Variants in TFAP2A observed in about 807,000 individuals in gnomAD.
The protein encoded by TFAP2A is transcription factor AP-2-alpha.
TFAP2A carries 7 observed loss-of-function variants against 41.5 expected under a neutral mutation model. That is an observed-to-expected ratio of 0.17 (90% CI 0.10 to 0.32). The LOEUF (loss-of-function observed/expected upper bound fraction) is 0.32, where lower values mean the gene tolerates loss of function less well. TFAP2A is among the 10% of genes least tolerant of loss of function. TFAP2A has a pLI of 1.00. For missense variants in TFAP2A, 416 were observed against 563.3 expected, an observed-to-expected ratio of 0.74 and a Z score of 2.65; for synonymous variants, 247 against 242.8, an observed-to-expected ratio of 1.02 and a Z score of -0.16.
chr6:10,403,426 G>A (rs1757510992), intron 4 of TFAP2A, among the ~76,000 whole-genome samples: 1 of 152,212 alleles, frequency 6.6e-6, no homozygotes, highest in Non-Finnish European at 1.5e-5. Context: ...ACTACAAAGG[G>A]AAAGCAAAAT....
At chr6:10,415,340 C>T (rs1758203323), upstream of TFAP2A, 1 of 1,192,028 alleles carries the variant, frequency 8.4e-7, no homozygotes, top group African/African-American at 1.6e-5. Flanking sequence ...AGTCCAATTG[C>T]TCGCCAGTAC....
At chr6:10,415,208 G>A (rs1758198630), upstream of TFAP2A, 1 of 1,475,266 alleles carries the variant, frequency 6.8e-7, no homozygotes, top group Non-Finnish European at 9.0e-7. Context: ...AGAAGGGCGA[G>A]GAGGAGGAGA....
upstream of TFAP2A, chr6:10,419,509 G>C: frequency 1.9e-6 from 3 of 1,608,158 alleles, no homozygotes; most frequent in East Asian, 4.5e-5. Context: ...GGGCTCGGTC[G>C]GGCCAGCTCC....
intron 1 of TFAP2A, among the ~76,000 whole-genome samples, chr6:10,413,964 A>T (rs1448300475): frequency 6.6e-6 from 1 of 151,930 alleles, no homozygotes; most frequent in Admixed American, 6.5e-5. Flanking sequence ...CTCATTGCTC[A>T]TTACAGTGTT....
chr6:10,406,861 C>T lies in TFAP2A; in HGVS notation c.487-17G>A, dbSNP rs1305079823. ...TTCTACATGCTGCAACAAAAGGATA[C>T]ACATGGATGTAAGTGTATCATCAAA... On this transcript the variant is annotated splice_polypyrimidine_tract_variant and intron_variant, in intron 2 of 6. Coordinates refer to ENST00000379613, the MANE Select transcript of TFAP2A (RefSeq NM_001372066.1). The T allele has an allele frequency of 8.1e-6, 13 of 1,599,958 alleles. No homozygotes were observed. Among genetic ancestry groups the T allele is most frequent in the Admixed American group, 1.7e-5 (1 of 60,004 alleles).
Position 10,398,491 on chromosome 6 carries a change from G to A in TFAP2A, c.1246C>T (p.Leu416Phe). The change falls in exon 7 of 7, where the codon CTC becomes TTC. Residue 416 changes from leucine to phenylalanine, a missense_variant. Coordinates refer to ENST00000379613, the MANE Select transcript of TFAP2A (RefSeq NM_001372066.1). The surrounding 1 kb of genome is among the most constrained non-coding windows in gnomAD (Gnocchi z 5.3). ...GTGTGGCTGTTGGGGTTGTTGCTGA[G>A]GTACATTTTGTCCATGGCCTTGAGG... ...EALKAMDKMY[L>F]SNNPNSHTDN... 6.2e-7 allele frequency: 1 copy of A among 1,614,242 alleles called. No individual in the cohort carries two copies. The highest frequency in any genetic ancestry group is 8.5e-7 in the Non-Finnish European group (1 of 1,180,040).
intron 1 of TFAP2A, chr6:10,411,462 T>C: frequency 6.3e-7 from 1 of 1,598,622 alleles, no homozygotes; most frequent in Non-Finnish European, 8.5e-7. Context: ...GAGGGTGTCC[T>C]GAAGGAAAGC....
At chr6:10,409,399 TGTACACA>T (rs1322361101) in intron 2 of TFAP2A, 1 of 176,886 alleles carries the variant, frequency 5.7e-6, no homozygotes, top group Non-Finnish European at 1.2e-5. Flanking sequence ...CAGGATAGGG[TGTACACA>T]TAACTTTTAG....
chr6:10,407,162 A>T, intron 2 of TFAP2A: 1 of 380,364 alleles, frequency 2.6e-6, no homozygotes. Flanking sequence ...AGTCAGTTCA[A>T]CATTTAGAAA....
At chr6:10,402,927 T>C (rs1244692740) in intron 4 of TFAP2A, among the ~76,000 whole-genome samples, 1 of 152,246 alleles carries the variant, frequency 6.6e-6, no homozygotes, top group Admixed American at 6.5e-5. Flanking sequence ...GGTATTGAGT[T>C]CAACTGATTC....
chr6:10,409,406 A>T (rs1382989291), intron 2 of TFAP2A: 1 of 179,202 alleles, frequency 5.6e-6, no homozygotes. Context: ...GGGTGTACAC[A>T]TAACTTTTAG....
chr6:10,412,217 G>A (rs1758004300), intron 1 of TFAP2A: 5 of 987,514 alleles, frequency 5.1e-6, no homozygotes, highest in Non-Finnish European at 6.0e-6. Flanking sequence ...GAGAGGGAGC[G>A]GGCGAGCGCG....
intron 4 of TFAP2A, among the ~76,000 whole-genome samples, chr6:10,402,876 G>T (rs1383382634): frequency 1.3e-5 from 2 of 152,190 alleles, no homozygotes; most frequent in Non-Finnish European, 2.9e-5. Flanking sequence ...ACTCTCTAAA[G>T]AAGAACCACA....
At chr6:10,416,583 CCT>C (rs1413583353), upstream of TFAP2A, 1 of 152,214 alleles carries the variant, frequency 6.6e-6, no homozygotes, top group Non-Finnish European at 1.5e-5. Flanking sequence ...CTAGGTCCCG[CCT>C]CAGAGTTGCT....
rs571244219 is a variant in TFAP2A, at chr6:10,409,712, G to C, written c.486+189C>G. 4 of 654,954 alleles carry C rather than the reference G, an allele frequency of 6.1e-6. No individual in the cohort carries two copies. The East Asian group carries it at 1.1e-4, about 18-fold the overall frequency. 40.6% of individuals were successfully genotyped at this position (654,954 alleles called of 1,614,324 possible). A position where few individuals can be genotyped will look rare whatever the true frequency, so the allele number is the denominator to read the frequency against. On this transcript the variant is annotated intron_variant, in intron 2 of 6. Coordinates refer to ENST00000379613, the MANE Select transcript of TFAP2A (RefSeq NM_001372066.1). The stretch of plus-strand genomic sequence containing the variant: ...GGGAGCTCCAGAAACCATTGTTCTG[G>C]GGTAGAACTCGCAACTACTTTGTGT...
chr6:10,409,770 C>G (rs774029008), intron 2 of TFAP2A, 131 bp downstream of exon 2: 13 of 1,170,570 alleles, frequency 1.1e-5, no homozygotes, highest in Non-Finnish European at 1.6e-5. Context: ...TCTCCGCCTC[C>G]GAATAAAATG....
intron 2 of TFAP2A, chr6:10,409,226 A>C (rs553559449): frequency 6.6e-6 from 1 of 152,394 alleles, no homozygotes; most frequent in Non-Finnish European, 1.5e-5. Flanking sequence ...TGTATTACCC[A>C]ATAGTCTCGA....
upstream of TFAP2A, among the ~76,000 whole-genome samples, chr6:10,417,660 A>T (rs547549191): frequency 3.9e-5 from 6 of 152,228 alleles, no homozygotes; most frequent in South Asian, 1.2e-3. Context: ...AGAAAGAGAC[A>T]GTGAGGGGCC....
In TFAP2A at chr6:10,398,033, GTTT is replaced by G; in HGVS notation, c.*381_*383del. Reference sequence around the variant, plus strand: ...ATTTTCACTTTTTTTTTAGAAAAAAGTTTTTAATTTTTGTTGTTGTTGTTGCTG... The same window carrying G: ...ATTTTCACTTTTTTTTTAGAAAAAAGTTAATTTTTGTTGTTGTTGTTGCTG... On this transcript the variant is annotated 3_prime_UTR_variant, in exon 7 of 7. Coordinates refer to ENST00000379613, the MANE Select transcript of TFAP2A (RefSeq NM_001372066.1). The surrounding 1 kb of genome is among the most constrained non-coding windows in gnomAD (Gnocchi z 5.3). 1 of 1,073,954 alleles carries G rather than the reference GTTT, an allele frequency of 9.3e-7. No homozygotes were observed. The highest frequency in any genetic ancestry group is 1.1e-6 in the Non-Finnish European group (1 of 885,666). 66.5% of individuals were successfully genotyped at this position (1,073,954 alleles called of 1,614,324 possible).
Sources: allele counts gnomAD v4.1 joint callset (sites outside exome capture counted in the v4.1 genomes callset), GRCh38; gene constraint gnomAD v4.1.1; non-coding constraint Gnocchi (gnomAD v3.1); transcripts MANE v1.5; gene names NCBI Gene and HGNC (gene_info 2026-07-23, HGNC 2026-07-21).